The following PXDN variants were observed in gnomAD, a reference collection of about 807,000 sequenced individuals.
The protein encoded by PXDN is peroxidasin homolog.
PXDN carries 77 observed loss-of-function variants against 140.3 expected under a neutral mutation model. That is an observed-to-expected ratio of 0.55 (90% CI 0.46 to 0.66). PXDN has a LOEUF of 0.66. Among genes scored for constraint, PXDN ranks in the 30% least tolerant of loss-of-function variants. The probability of loss-of-function intolerance (pLI) is 0.00; values close to 1 mark genes in which losing one functional copy is unlikely to be tolerated. For missense variants in PXDN, 1,838 were observed against 2,039.5 expected (o/e 0.90, Z 1.90); for synonymous variants, 911 against 857.4 (o/e 1.06, Z -1.09).
chr2:1,744,171 G>C, intron 1 of PXDN, 85 bp downstream of exon 1: 12 of 1,052,470 alleles, frequency 1.1e-5, no homozygotes, highest in South Asian at 1.1e-4. Flanking sequence ...CACCCTCCGC[G>C]CCCCCCACCT....
At chr2:1,691,505 A>C (rs1275171698) in intron 3 of PXDN, among the ~76,000 whole-genome samples, 1 of 152,234 alleles carries the variant, frequency 6.6e-6, no homozygotes, top group African/African-American at 2.4e-5. Context: ...CACCGGGGTT[A>C]GTTATTTCGA....
chr2:1,634,407 C>A, intron 22 of PXDN, 84 bp from the exon 23 acceptor site: 1 of 1,471,286 alleles, frequency 6.8e-7, no homozygotes, highest in South Asian at 1.4e-5. Context: ...GGACAGGTGT[C>A]AGCCACGGCC....
intron 1 of PXDN, among the ~76,000 whole-genome samples, chr2:1,702,785 C>T (rs945348049): frequency 6.6e-6 from 1 of 151,998 alleles, no homozygotes; most frequent in Middle Eastern, 3.2e-3. Context: ...CCCGCCACTA[C>T]GCCCAGCTAA....
chr2:1,662,677 C>T (rs571700518), intron 12 of PXDN, among the ~76,000 whole-genome samples: 10 of 152,304 alleles, frequency 6.6e-5, no homozygotes, highest in African/African-American at 1.2e-4. Flanking sequence ...AGGAATCCCA[C>T]CCCCGCATTC....
At chr2:1,635,575 G>T in intron 21 of PXDN, 54 bp from the exon 22 acceptor site, 1 of 1,263,464 alleles carries the variant, frequency 7.9e-7, no homozygotes, top group Non-Finnish European at 1.1e-6. Context: ...TAACAGCTTG[G>T]CTCTTGTATT....
Position 1,744,432 on chromosome 2 carries a change from G to C in PXDN, c.24C>G (p.Pro8=). The part of the protein sequence containing the change: MAKRSRG[P]GRRCLLALVL... ...CGAGCGCCAACAGGCAGCGGCGCCC[G>C]GGGCCCCTGGAGCGCTTGGCCATGG... is the stretch of plus-strand genomic sequence containing the variant. Residue 8 remains proline, a synonymous_variant, in exon 1 of 23, where the codon CCC becomes CCG. Coordinates refer to ENST00000252804, the MANE Select transcript of PXDN (RefSeq NM_012293.3). 2 of 1,504,598 alleles carry C rather than the reference G, an allele frequency of 1.3e-6. No homozygotes were observed. The highest frequency in any genetic ancestry group is 1.4e-5 in the African/African-American group (1 of 69,140). 93.2% of individuals were successfully genotyped at this position (1,504,598 alleles called of 1,614,324 possible).
chr2:1,635,574 G>C, intron 21 of PXDN, 53 bp from the exon 22 acceptor site: 1 of 1,280,212 alleles, frequency 7.8e-7, no homozygotes, highest in Non-Finnish European at 1.1e-6. Flanking sequence ...GTAACAGCTT[G>C]GCTCTTGTAT....
At chr2:1,689,645 A>G (rs543404141) in intron 3 of PXDN, among the ~76,000 whole-genome samples, 1 of 152,230 alleles carries the variant, frequency 6.6e-6, no homozygotes, top group East Asian at 1.9e-4. Flanking sequence ...TTAGCCAGGC[A>G]TCGTGGTGCA....
chr2:1,684,180 A>T (rs1205985812), intron 4 of PXDN, 29 bp from the exon 5 acceptor site: 1 of 1,529,430 alleles, frequency 6.5e-7, no homozygotes, highest in South Asian at 1.2e-5. Flanking sequence ...AAAAAAGTAT[A>T]ACTTACAATT....
At position 1,667,362 on chromosome 2, in the gene PXDN, C is replaced by T. The variant is rs11695061; in HGVS notation, c.1019-876G>A. 9.3e-3 allele frequency among the ~76,000 whole-genome samples: 1,416 copies of T among 151,990 alleles called. 25 individuals carry two copies. The highest frequency in any genetic ancestry group is 0.032 in the African/African-American group (1,323 of 41,446). On this transcript the variant is annotated intron_variant, in intron 9 of 22. Coordinates refer to ENST00000252804, the MANE Select transcript of PXDN (RefSeq NM_012293.3). Reference sequence around the variant, plus strand: ...AAAAAATGATAAAGGGGATATCACCCCTGATCCCAAAGAAATACAAACTAC... The same window carrying T: ...AAAAAATGATAAAGGGGATATCACCTCTGATCCCAAAGAAATACAAACTAC...
At chr2:1,698,087 C>T (rs79804321) in intron 1 of PXDN, among the ~76,000 whole-genome samples, 251 of 152,260 alleles carry the variant, frequency 1.6e-3, no homozygotes, top group African/African-American at 5.7e-3. Flanking sequence ...CCTGGGTAAG[C>T]GTGAGGGGTG....
chr2:1,733,898 T>A (rs954684314), intron 1 of PXDN, among the ~76,000 whole-genome samples: 1 of 152,166 alleles, frequency 6.6e-6, no homozygotes, highest in African/African-American at 2.4e-5. Context: ...AGAGCTGCAC[T>A]ATAAGACATT....
At chr2:1,692,390 G>C (rs1684201491) in intron 2 of PXDN, 2 of 415,106 alleles carry the variant, frequency 4.8e-6, no homozygotes, top group Middle Eastern at 5.9e-4. Context: ...TGCCAGGAAA[G>C]GTGGGCCCTG....
intron 1 of PXDN, among the ~76,000 whole-genome samples, chr2:1,725,048 TTA>T (rs1572196029): frequency 6.6e-6 from 1 of 152,340 alleles, no homozygotes; most frequent in East Asian, 1.9e-4. Flanking sequence ...CATCAATGTT[TTA>T]TAGTTTTTAG....
At chr2:1,652,601 G>A (rs1001727842) in intron 16 of PXDN, among the ~76,000 whole-genome samples, 6 of 139,804 alleles carry the variant, frequency 4.3e-5, no homozygotes, top group Admixed American at 2.8e-4. Context: ...CCCCACCCCC[G>A]CCCCCAGCCA....
chr2:1,661,927 T>C (rs1683313990), intron 13 of PXDN, 145 bp downstream of exon 13: 5 of 660,780 alleles, frequency 7.6e-6, no homozygotes, highest in African/African-American at 3.6e-5. Flanking sequence ...GCAGCAGCTG[T>C]CCAGCCCATC....
chr2:1,683,880 G>T (rs187613378), intron 5 of PXDN, among the ~76,000 whole-genome samples, 153 bp from the exon 6 acceptor site: 263 of 150,304 alleles, frequency 1.7e-3, no homozygotes, highest in African/African-American at 5.4e-3. Flanking sequence ...AAAAGAAATG[G>T]TTTTTTTTTC....
At chr2:1,737,197 A>G (rs992442059) in intron 1 of PXDN, among the ~76,000 whole-genome samples, 43 of 152,314 alleles carry the variant, frequency 2.8e-4, no homozygotes, top group African/African-American at 9.9e-4. Flanking sequence ...CAAGGCCCTC[A>G]GACGCCCGGA....
chr2:1,723,912 T>C (rs747836813), intron 1 of PXDN, among the ~76,000 whole-genome samples: 1 of 152,258 alleles, frequency 6.6e-6, no homozygotes, highest in African/African-American at 2.4e-5. Flanking sequence ...TCTGCTTTAA[T>C]TGATATTTTA....
Sources: allele counts gnomAD v4.1 joint callset (sites outside exome capture counted in the v4.1 genomes callset), GRCh38; gene constraint gnomAD v4.1.1; transcripts MANE v1.5; gene names NCBI Gene and HGNC (gene_info 2026-07-23, HGNC 2026-07-21).